Variants in EDEM1 observed in about 807,000 individuals in gnomAD.
EDEM1 encodes the protein ER degradation-enhancing alpha-mannosidase-like protein 1.
A neutral mutation model predicts 74.4 loss-of-function variants in EDEM1; 67 were observed. The observed-to-expected ratio is 0.90, with a 90% CI of 0.74 to 1.10. The LOEUF (loss-of-function observed/expected upper bound fraction) is 1.10. Among genes scored for constraint, EDEM1 ranks in the 50% least tolerant of loss-of-function variants. EDEM1 has a pLI of 0.00. For synonymous variants in EDEM1, 382 were observed against 335.9 expected (o/e 1.14, Z -1.50); for missense variants, 926 against 851.6 (o/e 1.09, Z -1.09).
At chr3:5,210,975 A>G in intron 9 of EDEM1, 145 bp from the exon 10 acceptor site, 1 of 744,226 alleles carries the variant, frequency 1.3e-6, no homozygotes, top group Non-Finnish European at 2.2e-6. Context: ...GGCTATAAAA[A>G]AGGAGAGCCC....
At chr3:5,208,718 G>T (rs1379673941) in intron 8 of EDEM1, among the ~76,000 whole-genome samples, 1 of 151,380 alleles carries the variant, frequency 6.6e-6, no homozygotes, top group Non-Finnish European at 1.5e-5. Context: ...TCATCTGGAT[G>T]CCTGTTTTTG....
chr3:5,208,945 C>G (rs1245762730), intron 8 of EDEM1, among the ~76,000 whole-genome samples: 3 of 152,098 alleles, frequency 2.0e-5, no homozygotes, highest in Non-Finnish European at 4.4e-5. Context: ...CCTCCTCCAT[C>G]CACATGCACA....
At chr3:5,192,085 C>G (rs1281444963) in intron 1 of EDEM1, among the ~76,000 whole-genome samples, 1 of 152,248 alleles carries the variant, frequency 6.6e-6, no homozygotes, top group East Asian at 1.9e-4. Context: ...GTCCTGCCCT[C>G]TTTCAGAGTC....
At chr3:5,206,548 T>C (rs1170623466) in intron 6 of EDEM1, among the ~76,000 whole-genome samples, 3 of 152,334 alleles carry the variant, frequency 2.0e-5, no homozygotes, top group Middle Eastern at 3.4e-3. Flanking sequence ...AAGTGTCCAG[T>C]TTCAGTGCAA....
chr3:5,200,486 T>G (rs151015064), intron 3 of EDEM1, among the ~76,000 whole-genome samples: 1 of 152,232 alleles, frequency 6.6e-6, no homozygotes, highest in Non-Finnish European at 1.5e-5. Flanking sequence ...TCTATTTGTT[T>G]AGTGGATTGG....
intron 6 of EDEM1, among the ~76,000 whole-genome samples, chr3:5,206,772 A>G (rs971492127): frequency 3.9e-5 from 6 of 152,214 alleles, no homozygotes; most frequent in African/African-American, 1.4e-4. Context: ...GGACATTACT[A>G]GAGAAGAGAC....
chr3:5,214,677 A>G (rs1273803033), intron 11 of EDEM1, among the ~76,000 whole-genome samples: 4 of 152,212 alleles, frequency 2.6e-5, no homozygotes, highest in African/African-American at 9.7e-5. Context: ...TCTCCATTTT[A>G]CAGCTGAAGA....
At position 5,207,185 on chromosome 3, in the gene EDEM1, C is replaced by T. The variant is rs1464147320; in HGVS notation, c.1250C>T (p.Pro417Leu). The T allele has an allele frequency of 6.2e-7, 1 of 1,614,170 alleles. No homozygotes were observed. Among genetic ancestry groups the T allele is most frequent in the African/African-American group, 1.3e-5 (1 of 75,072 alleles). The change falls in exon 7 of 12, where the codon CCT becomes CTT. Residue 417 changes from proline (P) to leucine (L), a missense_variant. Pro to Leu is a moderately conservative substitution (Grantham distance 98, BLOSUM62 -3). Coordinates refer to ENST00000256497, the MANE Select transcript of EDEM1 (RefSeq NM_014674.3). ...GCCTGCAATGAAGGAGAAGGAGACC[C>T]TCCACTCTATGTCAACGTGAACATG... is the stretch of plus-strand genomic sequence containing the variant. ...REACNEGEGD[P>L]PLYVNVNMFS...
At position 5,203,125 on chromosome 3, in the gene EDEM1, C is replaced by T. The variant is rs753128389; in HGVS notation, c.1018C>T (p.Arg340Trp). 12 of 1,596,240 alleles carry T rather than the reference C, an allele frequency of 7.5e-6. No individual in the cohort carries two copies. The highest frequency in any genetic ancestry group is 1.7e-4 in the Middle Eastern group (1 of 5,962). Reference protein sequence around the residue: ...RRAVKALWNLRSNDTGLLGNV... With the variant: ...RRAVKALWNLWSNDTGLLGNV... ...AGCAGTGAAAGCCCTTTGGAACCTC[C>T]GGAGCAATGATACAGGATTACTAGG... The change falls in exon 5 of 12, where the codon CGG (arginine) becomes TGG (tryptophan). Residue 340 changes from arginine (R) to tryptophan (W), a missense_variant. By Grantham distance (101) the Arg-to-Trp change is moderately radical. Transcript: ENST00000256497.
At chr3:5,190,952 C>A (rs1216917989) in intron 1 of EDEM1, among the ~76,000 whole-genome samples, 1 of 152,044 alleles carries the variant, frequency 6.6e-6, no homozygotes, top group Non-Finnish European at 1.5e-5. Flanking sequence ...GATATTTTGG[C>A]ACAGGCATGC....
In EDEM1 at chr3:5,208,759, G is replaced by GTA. The variant is rs568994996; in HGVS notation, c.1509+507_1509+508dup. Among the ~76,000 whole-genome samples the GTA allele has an allele frequency of 1.6e-3, 231 of 148,180 alleles. 1 individual carries two copies. The highest frequency in any genetic ancestry group is 4.1e-3 in the African/African-American group (164 of 40,060). Reference sequence around the variant, plus strand: ...TGTTTGTGTTTGTGTGTGTGTGTGTGTATATATATATACACACACACACAC... The same window carrying GTA: ...TGTTTGTGTTTGTGTGTGTGTGTGTGTATATATATATATACACACACACACAC... On this transcript the variant is annotated intron_variant, in intron 8 of 11. Coordinates refer to ENST00000256497, the MANE Select transcript of EDEM1 (RefSeq NM_014674.3).
At chr3:5,188,437 G>C in intron 1 of EDEM1, 123 bp downstream of exon 1, 6 of 1,123,490 alleles carry the variant, frequency 5.3e-6, no homozygotes, top group Non-Finnish European at 6.9e-6. Flanking sequence ...GTCCCGGGCA[G>C]CGCTCCCGCG....
Position 5,188,296 on chromosome 3 carries a change from G to C in EDEM1, c.491G>C (p.Gly164Ala). Residue 164 changes from glycine (G) to alanine (A), a missense_variant, in exon 1 of 12, where the codon GGG becomes GCG. Physicochemically the swap from Gly to Ala is moderately conservative, Grantham distance 60 (BLOSUM62 0). Coordinates refer to ENST00000256497, the MANE Select transcript of EDEM1 (RefSeq NM_014674.3). The part of the protein sequence containing the change: ...ELNPIHCRGR[G>A]PDRGDPSNLN... ...AACCCCATCCACTGCCGCGGCCGTG[G>C]GCCCGACCGCGGGGACCCGTGAGTA... 1.3e-6 allele frequency: 2 copies of C among 1,527,602 alleles called. No individual in the cohort carries two copies. The highest frequency in any genetic ancestry group is 1.4e-5 in the African/African-American group (1 of 69,956). The allele number at this position is 1,527,602 out of a possible 1,614,324, so 94.6% of individuals were successfully genotyped here. A position where few individuals can be genotyped will look rare whatever the true frequency, so the allele number is the denominator to read the frequency against.
At chr3:5,200,671 A>T (rs934582159) in intron 3 of EDEM1, among the ~76,000 whole-genome samples, 1 of 152,162 alleles carries the variant, frequency 6.6e-6, no homozygotes. Context: ...ATCACAGCCT[A>T]CTTCAGATCT....
Position 5,188,012 on chromosome 3 carries a change from G to A in EDEM1, c.207G>A (p.Pro69=). ...PVGRPGGVSG[P]SWLQPPGTGA... ...GCCGGCCTGGGGGGGTATCCGGGCCGTCGTGGCTGCAGCCGCCGGGGACCG... is the reference window on the plus strand; with the variant it reads ...GCCGGCCTGGGGGGGTATCCGGGCCATCGTGGCTGCAGCCGCCGGGGACCG... The change falls in exon 1 of 12, where the codon CCG becomes CCA. Residue 69 remains proline (P), a synonymous_variant. Transcript: ENST00000256497. The A allele has an allele frequency of 6.8e-7, 1 of 1,480,220 alleles. No homozygotes were observed. Among genetic ancestry groups the A allele is most frequent in the Non-Finnish European group, 8.9e-7 (1 of 1,119,080 alleles). 91.7% of individuals were successfully genotyped at this position (1,480,220 alleles called of 1,614,324 possible).
In EDEM1 at chr3:5,188,161, G is replaced by T. The variant is rs1248637974; in HGVS notation, c.356G>T (p.Ser119Ile). The T allele has an allele frequency of 3.2e-6, 5 of 1,547,648 alleles. No individual in the cohort carries two copies. Among genetic ancestry groups the T allele is most frequent in the Non-Finnish European group, 4.4e-6 (5 of 1,147,808 alleles). ...RGPDEYEKRY[S>I]GAFPPQLRAQ... Reference sequence around the variant, plus strand: ...CCGGACGAGTACGAGAAGCGCTACAGCGGCGCCTTCCCTCCGCAGCTGCGT... The same window carrying T: ...CCGGACGAGTACGAGAAGCGCTACATCGGCGCCTTCCCTCCGCAGCTGCGT... Residue 119 changes from serine (S) to isoleucine (I), a missense_variant, in exon 1 of 12, where the codon AGC becomes ATC. Transcript: ENST00000256497.
In EDEM1 at chr3:5,213,475, C is replaced by G. The variant is rs200946341; in HGVS notation, c.1837C>G (p.His613Asp). The G allele has an allele frequency of 6.2e-7, 1 of 1,614,052 alleles. No homozygotes were observed. Among genetic ancestry groups the G allele is most frequent in the Non-Finnish European group, 8.5e-7 (1 of 1,179,958 alleles). The change falls in exon 11 of 12, where the codon CAC becomes GAC. Residue 613 changes from histidine to aspartate, a missense_variant. His to Asp is a moderately conservative substitution (Grantham distance 81). Coordinates refer to ENST00000256497, the MANE Select transcript of EDEM1 (RefSeq NM_014674.3). ...GGQDQGGKSVHRPKPHELKVI... is the reference protein window; with the variant it reads ...GGQDQGGKSVDRPKPHELKVI... Reference sequence around the variant, plus strand: ...GCAGGACCAAGGGGGAAAGTCTGTGCACAGGCCGAAACCTCATGAGTTAAA... The same window carrying G: ...GCAGGACCAAGGGGGAAAGTCTGTGGACAGGCCGAAACCTCATGAGTTAAA...
intron 2 of EDEM1, among the ~76,000 whole-genome samples, chr3:5,195,985 GTGT>G (rs2054961614): frequency 6.6e-6 from 1 of 152,238 alleles, no homozygotes; most frequent in Admixed American, 6.5e-5. Context: ...TTCCAGCATA[GTGT>G]TGTTTTAAAA....
At position 5,202,942 on chromosome 3, in the gene EDEM1, G is replaced by A. The variant is rs770361756; in HGVS notation, c.859-24G>A. The A allele has an allele frequency of 2.0e-4, 315 of 1,609,054 alleles. 4 individuals carry two copies. The Admixed American group carries it at 5.2e-3, about 27-fold the overall frequency. ...TGTGGATTCCTTGAGTTTTGTCACA[G>A]TCTTTGTCTGTTCCCATCCCCAGGT... On this transcript the variant is annotated intron_variant, in intron 4 of 11. Coordinates refer to ENST00000256497, the MANE Select transcript of EDEM1 (RefSeq NM_014674.3).
Sources: allele counts gnomAD v4.1 joint callset (sites outside exome capture counted in the v4.1 genomes callset), GRCh38; gene constraint gnomAD v4.1.1; transcripts MANE v1.5; gene names NCBI Gene and HGNC (gene_info 2026-07-23, HGNC 2026-07-21).